The following ZFPM2 variants were observed in gnomAD, a reference collection of about 807,000 sequenced individuals.
The protein encoded by ZFPM2 is zinc finger protein ZFPM2.
Under a neutral mutation model 98.6 loss-of-function variants are expected in ZFPM2, and 20 were observed. The ratio of observed to expected loss-of-function variants is 0.20; its 90% confidence interval spans 0.14 to 0.29. The LOEUF is 0.29. ZFPM2 is among the 10% of genes least tolerant of loss of function. The probability of loss-of-function intolerance (pLI) is 1.00; values close to 1 mark genes in which losing one functional copy is unlikely to be tolerated. For missense variants in ZFPM2, 1,310 were observed against 1,388.6 expected (o/e 0.94, Z 0.90); for synonymous variants, 518 against 502.7 (o/e 1.03, Z -0.41).
intron 5 of ZFPM2, among the ~76,000 whole-genome samples, chr8:105,651,909 C>T (rs1041998568): frequency 6.6e-6 from 1 of 152,128 alleles, no homozygotes; most frequent in East Asian, 1.9e-4. Context: ...AAAAATGTAA[C>T]ATTCCTTAGT....
intron 5 of ZFPM2, among the ~76,000 whole-genome samples, chr8:105,729,148 A>T (rs969392657): frequency 1.3e-5 from 2 of 151,754 alleles, no homozygotes; most frequent in African/African-American, 4.8e-5. Flanking sequence ...CTATTTTTCG[A>T]TATAGAAATG....
At chr8:105,712,608 T>A (rs566039255) in intron 5 of ZFPM2, among the ~76,000 whole-genome samples, 16 of 152,036 alleles carry the variant, frequency 1.1e-4, no homozygotes, top group African/African-American at 3.9e-4. Flanking sequence ...GTAGGTTTAT[T>A]TTAAGGTTAT....
chr8:105,552,649 T>C (rs1032672929), intron 3 of ZFPM2, among the ~76,000 whole-genome samples: 2 of 100,780 alleles, frequency 2.0e-5, no homozygotes, highest in Non-Finnish European at 3.7e-5. Flanking sequence ...GGCTGTTTCT[T>C]CCTGTTTCTT....
At chr8:105,427,183 A>G (rs532578061) in intron 2 of ZFPM2, among the ~76,000 whole-genome samples, 172 of 152,296 alleles carry the variant, frequency 1.1e-3, no homozygotes, top group Non-Finnish European at 1.6e-3. Context: ...CTTGGTTTTG[A>G]TGGAATCGGA....
chr8:105,704,795 C>T (rs1811219570), intron 5 of ZFPM2, among the ~76,000 whole-genome samples: 1 of 152,206 alleles, frequency 6.6e-6, no homozygotes, highest in Non-Finnish European at 1.5e-5. Context: ...CACAAAAGCA[C>T]TGTATCCCCT....
chr8:105,560,773 AT>A (rs1815117899), intron 3 of ZFPM2, among the ~76,000 whole-genome samples: 1 of 152,138 alleles, frequency 6.6e-6, no homozygotes. Flanking sequence ...AAAGCTGGTT[AT>A]TTCTAAAGTA....
intron 3 of ZFPM2, among the ~76,000 whole-genome samples, chr8:105,474,632 T>A (rs1812977354): frequency 1.3e-5 from 2 of 152,218 alleles, no homozygotes; most frequent in Non-Finnish European, 2.9e-5. Flanking sequence ...AAAATTTATA[T>A]CATTTATCTT....
chr8:105,801,561 T>A lies in ZFPM2; in HGVS notation c.1479T>A (p.Pro493=). 6.2e-7 allele frequency: 1 copy of A among 1,613,942 alleles called. No individual in the cohort carries two copies. Among genetic ancestry groups the A allele is most frequent in the South Asian group, 1.1e-5 (1 of 91,086 alleles). ...AGCCTAATATTGGGCCTTCTTTCCC[T>A]GTGGGCCCTTTCCTATCTCAGTTTT... ...PVQPNIGPSF[P]VGPFLSQFSF... The change falls in exon 8 of 8, where the codon CCT becomes CCA. Residue 493 remains proline (P), a synonymous_variant. Transcript: ENST00000407775.
At chr8:105,686,246 T>C (rs1462243607) in intron 5 of ZFPM2, among the ~76,000 whole-genome samples, 1 of 152,136 alleles carries the variant, frequency 6.6e-6, no homozygotes, top group Non-Finnish European at 1.5e-5. Context: ...CTGAAATCCA[T>C]TTCAGTTCCT....
intron 4 of ZFPM2, among the ~76,000 whole-genome samples, chr8:105,573,665 CAAATT>C (rs1482319822): frequency 3.3e-5 from 5 of 152,254 alleles, no homozygotes; most frequent in East Asian, 1.9e-4. Context: ...GCAATAAAGA[CAAATT>C]AAAATATACA....
intron 3 of ZFPM2, among the ~76,000 whole-genome samples, chr8:105,479,264 A>T (rs1205578066): frequency 2.0e-5 from 3 of 152,188 alleles, no homozygotes; most frequent in African/African-American, 7.2e-5. Flanking sequence ...AAGGTGTTTC[A>T]TTTTATTTCC....
chr8:105,794,814 G>C (rs554434514), intron 6 of ZFPM2, among the ~76,000 whole-genome samples: 2 of 152,152 alleles, frequency 1.3e-5, no homozygotes, highest in Non-Finnish European at 2.9e-5. Context: ...CCTCGCTGCC[G>C]CCTTGCAGTT....
At chr8:105,656,612 G>T (rs573984396) in intron 5 of ZFPM2, among the ~76,000 whole-genome samples, 1 of 152,104 alleles carries the variant, frequency 6.6e-6, no homozygotes, top group Non-Finnish European at 1.5e-5. Flanking sequence ...CTGCAAGGCC[G>T]TGACTCTTAA....
chr8:105,375,521 G>C (rs886544223), intron 1 of ZFPM2, among the ~76,000 whole-genome samples: 8 of 152,130 alleles, frequency 5.3e-5, no homozygotes, highest in Admixed American at 4.6e-4. Context: ...CTTTCTCTAT[G>C]ACCTTTGTAT....
intron 1 of ZFPM2, among the ~76,000 whole-genome samples, chr8:105,330,538 C>CTATA (rs531060999): frequency 4.0e-4 from 40 of 100,122 alleles, no homozygotes; most frequent in African/African-American, 1.1e-3. Flanking sequence ...CTCTCTCTCT[C>CTATA]TATATATATA....
At chr8:105,731,180 A>G (rs1347131508) in intron 5 of ZFPM2, among the ~76,000 whole-genome samples, 1 of 151,662 alleles carries the variant, frequency 6.6e-6, no homozygotes, top group African/African-American at 2.4e-5. Context: ...CAGGATAAAA[A>G]CCACCAAGTT....
At chr8:105,595,443 G>T (rs118060381) in intron 4 of ZFPM2, among the ~76,000 whole-genome samples, 683 of 152,220 alleles carry the variant, frequency 4.5e-3, no homozygotes, top group Non-Finnish European at 8.0e-3. Context: ...TAAGTGTGAA[G>T]ATTAAACATT....
intron 5 of ZFPM2, among the ~76,000 whole-genome samples, chr8:105,727,967 AC>A (rs1369847565): frequency 2.7e-5 from 4 of 150,896 alleles, no homozygotes; most frequent in Admixed American, 1.3e-4. Flanking sequence ...AAAAAAAAAA[AC>A]AAAATCAAAC....
chr8:105,687,692 A>G (rs913130166), intron 5 of ZFPM2, among the ~76,000 whole-genome samples: 1 of 152,172 alleles, frequency 6.6e-6, no homozygotes, highest in Admixed American at 6.6e-5. Flanking sequence ...AAAAATGGAT[A>G]TCAAAATCTA....
Sources: allele counts gnomAD v4.1 joint callset (sites outside exome capture counted in the v4.1 genomes callset), GRCh38; gene constraint gnomAD v4.1.1; transcripts MANE v1.5; gene names NCBI Gene and HGNC (gene_info 2026-07-23, HGNC 2026-07-21).